SDHAF3: variants seen among roughly 807,000 people sequenced by gnomAD.
The protein encoded by SDHAF3 is succinate dehydrogenase complex assembly factor 3.
In SDHAF3, 18 loss-of-function variants were observed where a neutral mutation model predicts 11.5. The ratio of observed to expected loss-of-function variants is 1.56; its 90% CI spans 1.08 to 2.32. The LOEUF is 2.32. Ranked by LOEUF, SDHAF3 falls within the 30% of genes most tolerant of loss-of-function variation. The pLI is 0.00. For synonymous variants in SDHAF3, 72 were observed against 59.3 expected (o/e 1.21, Z -0.99); for missense variants, 200 against 154.4 (o/e 1.30, Z -1.57).
rs925710501 is a variant in SDHAF3, at chr7:97,165,515, T to C, written c.175-15497T>C. 7.9e-5 allele frequency among the ~76,000 whole-genome samples: 12 copies of C among 152,248 alleles called. No individual in the cohort carries two copies. The East Asian group carries it at 1.5e-3, about 20-fold the overall frequency. ...CTTTTTAATAATACTTTTTTTGTGA[T>C]TGAAGAATTTAAATGACTAGGTGAG... On this transcript the variant is annotated intron_variant, in intron 1 of 1. Coordinates refer to ENST00000432641, the MANE Select transcript of SDHAF3 (RefSeq NM_020186.3).
intron 1 of SDHAF3, among the ~76,000 whole-genome samples, chr7:97,126,424 C>A (rs996656605): frequency 1.3e-5 from 2 of 152,224 alleles, no homozygotes; most frequent in Admixed American, 6.5e-5. Context: ...ACAGCTGCCC[C>A]TTCCCCCAGG....
intron 1 of SDHAF3, among the ~76,000 whole-genome samples, chr7:97,169,316 A>C: frequency 6.6e-6 from 1 of 152,130 alleles, no homozygotes. Context: ...CTCAAAAAAA[A>C]AGTATTAATA....
intron 1 of SDHAF3, among the ~76,000 whole-genome samples, chr7:97,156,926 C>T (rs1338293948): frequency 6.6e-6 from 1 of 152,118 alleles, no homozygotes; most frequent in Non-Finnish European, 1.5e-5. Context: ...CACCCATCAA[C>T]TCGTCATTTA....
intron 1 of SDHAF3, among the ~76,000 whole-genome samples, chr7:97,123,763 T>G (rs558294470): frequency 6.6e-6 from 1 of 151,936 alleles, no homozygotes; most frequent in African/African-American, 2.4e-5. Flanking sequence ...TGAGCTTTTC[T>G]TATGTTTGTT....
chr7:97,124,563 T>A (rs978427523), intron 1 of SDHAF3, among the ~76,000 whole-genome samples: 1 of 152,212 alleles, frequency 6.6e-6, no homozygotes, highest in Admixed American at 6.5e-5. Context: ...AGGAATAGCA[T>A]TGAATGTATA....
intron 1 of SDHAF3, among the ~76,000 whole-genome samples, chr7:97,174,700 A>G (rs577897929): frequency 6.6e-6 from 1 of 152,224 alleles, no homozygotes; most frequent in South Asian, 2.1e-4. Context: ...GAGGTTGTGC[A>G]TTATTGGGAA....
At chr7:97,143,699 G>GTGTA (rs1554352043) in intron 1 of SDHAF3, among the ~76,000 whole-genome samples, 2 of 144,896 alleles carry the variant, frequency 1.4e-5, no homozygotes, top group Admixed American at 7.1e-5. Flanking sequence ...GTGTGTGTGT[G>GTGTA]TATACCAGTT....
intron 1 of SDHAF3, among the ~76,000 whole-genome samples, chr7:97,146,122 C>T (rs1034090150): frequency 2.0e-5 from 3 of 150,556 alleles, no homozygotes; most frequent in African/African-American, 7.3e-5. Flanking sequence ...TTCCCCCCCC[C>T]ACTTTTGAAC....
chr7:97,152,077 A>T (rs1289351471), intron 1 of SDHAF3, among the ~76,000 whole-genome samples: 1 of 152,126 alleles, frequency 6.6e-6, no homozygotes, highest in Admixed American at 6.6e-5. Flanking sequence ...ATCCATCTTT[A>T]TAGTAGTATA....
chr7:97,118,029 A>G, intron 1 of SDHAF3, 132 bp downstream of exon 1: 1 of 1,113,346 alleles, frequency 9.0e-7, no homozygotes, highest in Non-Finnish European at 1.3e-6. Flanking sequence ...AATGCTGTTC[A>G]GGTAACACTT....
intron 1 of SDHAF3, among the ~76,000 whole-genome samples, chr7:97,156,784 C>G (rs888906199): frequency 7.2e-5 from 11 of 151,892 alleles, no homozygotes; most frequent in Non-Finnish European, 1.5e-4. Flanking sequence ...AAAAAAATTT[C>G]TTTTTTAATG....
At chr7:97,169,314 A>G (rs1341516062) in intron 1 of SDHAF3, among the ~76,000 whole-genome samples, 1 of 152,150 alleles carries the variant, frequency 6.6e-6, no homozygotes, top group East Asian at 1.9e-4. Context: ...GTCTCAAAAA[A>G]AAAGTATTAA....
intron 1 of SDHAF3, among the ~76,000 whole-genome samples, chr7:97,128,098 A>G (rs770356715): frequency 7.9e-5 from 12 of 151,710 alleles, no homozygotes; most frequent in Non-Finnish European, 1.3e-4. Context: ...GGGTTTCACC[A>G]TGTTGGCCAG....
intron 1 of SDHAF3, among the ~76,000 whole-genome samples, chr7:97,122,907 TTTTTC>T (rs1303283492): frequency 3.1e-4 from 42 of 133,336 alleles, no homozygotes; most frequent in Admixed American, 3.1e-3. Context: ...AGTGCTGGAA[TTTTTC>T]TTTTCTTTTT....
intron 1 of SDHAF3, among the ~76,000 whole-genome samples, chr7:97,166,354 A>T (rs1789504383): frequency 6.6e-6 from 1 of 152,196 alleles, no homozygotes. Flanking sequence ...AAGCGGGAAG[A>T]ACTCAAATTG....
intron 1 of SDHAF3, among the ~76,000 whole-genome samples, chr7:97,173,982 CA>C (rs1476066495): frequency 6.6e-6 from 1 of 151,588 alleles, no homozygotes; most frequent in Non-Finnish European, 1.5e-5. Context: ...TGCAGTGGCA[CA>C]ATCTCGGCTC....
At chr7:97,149,088 C>T (rs1278025419) in intron 1 of SDHAF3, among the ~76,000 whole-genome samples, 1 of 152,046 alleles carries the variant, frequency 6.6e-6, no homozygotes, top group Non-Finnish European at 1.5e-5. Flanking sequence ...CACCATCACA[C>T]CTGGCTATTT....
intron 1 of SDHAF3, among the ~76,000 whole-genome samples, chr7:97,175,422 C>T (rs1789665491): frequency 6.6e-6 from 1 of 152,048 alleles, no homozygotes; most frequent in Non-Finnish European, 1.5e-5. Flanking sequence ...TTCTTCCACC[C>T]TTATGTAGGT....
chr7:97,141,407 CAG>C (rs1185248824), intron 1 of SDHAF3, among the ~76,000 whole-genome samples: 2 of 152,134 alleles, frequency 1.3e-5, no homozygotes, highest in East Asian at 1.9e-4. Context: ...TTTTACAGCT[CAG>C]GGGGCATCAC....
Sources: allele counts gnomAD v4.1 joint callset (sites outside exome capture counted in the v4.1 genomes callset), GRCh38; gene constraint gnomAD v4.1.1; transcripts MANE v1.5; gene names NCBI Gene and HGNC (gene_info 2026-07-23, HGNC 2026-07-21).